The following MAMDC2 variants were observed in gnomAD, a reference collection of about 807,000 sequenced individuals.
MAMDC2 encodes the protein MAM domain containing 2.
A neutral mutation model predicts 89.8 loss-of-function variants in MAMDC2; 57 were observed. That is an observed-to-expected ratio of 0.63 (90% CI 0.51 to 0.79). The LOEUF (loss-of-function observed/expected upper bound fraction) is 0.79. Ranked by LOEUF, MAMDC2 falls within the 30% of genes least tolerant of loss-of-function variation. The probability of loss-of-function intolerance (pLI) is 0.00; values close to 1 mark genes in which losing one functional copy is unlikely to be tolerated. For missense variants in MAMDC2, 800 were observed against 820.6 expected (o/e 0.97, Z 0.31); for synonymous variants, 313 against 293.4 (o/e 1.07, Z -0.68).
chr9:70,211,856 C>T (rs1273095162), intron 11 of MAMDC2, among the ~76,000 whole-genome samples: 1 of 152,196 alleles, frequency 6.6e-6, no homozygotes, highest in Admixed American at 6.5e-5. Context: ...AGTCAGGACC[C>T]TCAACTGCAG....
intron 9 of MAMDC2, among the ~76,000 whole-genome samples, chr9:70,166,005 C>T (rs986477476): frequency 1.3e-5 from 2 of 151,912 alleles, no homozygotes; most frequent in South Asian, 4.1e-4. Flanking sequence ...TTTGGGAGGC[C>T]AAGCGGGTGG....
At chr9:70,213,564 A>G (rs981436376) in intron 11 of MAMDC2, among the ~76,000 whole-genome samples, 2 of 152,086 alleles carry the variant, frequency 1.3e-5, no homozygotes, top group Non-Finnish European at 2.9e-5. Context: ...CTCTCTTTCC[A>G]TGGAATTAAA....
intron 2 of MAMDC2, among the ~76,000 whole-genome samples, chr9:70,087,804 T>A (rs914497058): frequency 6.6e-6 from 1 of 152,188 alleles, no homozygotes; most frequent in African/African-American, 2.4e-5. Flanking sequence ...CAACCCTTAG[T>A]TGGTTTCTGA....
At chr9:70,058,627 G>T (rs768662535) in intron 2 of MAMDC2, among the ~76,000 whole-genome samples, 2 of 151,996 alleles carry the variant, frequency 1.3e-5, no homozygotes, top group African/African-American at 2.4e-5. Flanking sequence ...AGGCAGCAGG[G>T]CTATATTTTG....
At chr9:70,103,646 T>C (rs1197123030) in intron 2 of MAMDC2, among the ~76,000 whole-genome samples, 1 of 151,926 alleles carries the variant, frequency 6.6e-6, no homozygotes, top group South Asian at 2.1e-4. Context: ...TTAAACTTCA[T>C]CAAAATTTAA....
intron 9 of MAMDC2, among the ~76,000 whole-genome samples, chr9:70,144,376 G>T (rs1927116): frequency 0.069 from 10,463 of 152,186 alleles, 571 homozygotes; most frequent in East Asian, 0.22. Context: ...ATCTGATTTT[G>T]ATATAAATGA....
chr9:70,217,508 G>C lies in MAMDC2; in HGVS notation c.1652-829G>C, dbSNP rs552236964. The C allele has an allele frequency of 1.4e-5, 22 of 1,527,600 alleles. 1 individual carries two copies. The highest frequency in any genetic ancestry group is 2.3e-4 in the Middle Eastern group (1 of 4,300). 94.6% of individuals were successfully genotyped at this position (1,527,600 alleles called of 1,614,324 possible). On this transcript the variant is annotated intron_variant, in intron 11 of 13. Coordinates refer to ENST00000377182, the MANE Select transcript of MAMDC2 (RefSeq NM_153267.5). ...AAACCTTAAGTTAGAAAGGCTCAAC[G>C]AGAACAAGCTATCAGGGCTGCTAAG...
At chr9:70,187,853 A>G (rs536522265) in intron 11 of MAMDC2, among the ~76,000 whole-genome samples, 26 of 152,326 alleles carry the variant, frequency 1.7e-4, no homozygotes, top group Middle Eastern at 3.4e-3. Flanking sequence ...TTATTTGTGA[A>G]CAACTTTTTC....
At chr9:70,100,651 G>A (rs1040323641) in intron 2 of MAMDC2, among the ~76,000 whole-genome samples, 2 of 152,136 alleles carry the variant, frequency 1.3e-5, no homozygotes, top group African/African-American at 4.8e-5. Flanking sequence ...ATTAGCCTTG[G>A]GTAAGAACCA....
chr9:70,083,714 T>TA (rs1827706711), intron 2 of MAMDC2: 1 of 146,662 alleles, frequency 6.8e-6, no homozygotes, highest in South Asian at 2.2e-4. Context: ...TTTTTTTTTT[T>TA]AATACCTTTT....
At chr9:70,086,183 A>G (rs1190531489) in intron 2 of MAMDC2, 2 of 152,184 alleles carry the variant, frequency 1.3e-5, no homozygotes, top group Non-Finnish European at 2.9e-5. Context: ...TTAAACTTGC[A>G]TACAGTGTCA....
Position 70,226,012 on chromosome 9 carries a change from T to C in MAMDC2, c.2041T>C (p.Leu681=). ...TQQSSGYSED[L]NEIEY is the part of the protein sequence containing the mutation. ...ACAATCATCAGGATATTCTGAGGACTTAAATGAAATTGAGTATTAAGAAAT... is the reference window on the plus strand; with the variant it reads ...ACAATCATCAGGATATTCTGAGGACCTAAATGAAATTGAGTATTAAGAAAT... The change falls in exon 14 of 14, where the codon TTA becomes CTA. Residue 681 remains leucine (L), a synonymous_variant. Coordinates refer to ENST00000377182, the MANE Select transcript of MAMDC2 (RefSeq NM_153267.5). 1 of 1,580,268 alleles carries C rather than the reference T, an allele frequency of 6.3e-7. No homozygotes were observed. Among genetic ancestry groups the C allele is most frequent in the East Asian group, 2.3e-5 (1 of 44,252 alleles).
At position 70,108,400 on chromosome 9, in the gene MAMDC2, G is replaced by T. The variant is rs531094321; in HGVS notation, c.338G>T (p.Arg113Leu). 1 of 1,614,018 alleles carries T rather than the reference G, an allele frequency of 6.2e-7. No individual in the cohort carries two copies. The highest frequency in any genetic ancestry group is 8.5e-7 in the Non-Finnish European group (1 of 1,179,960). The change falls in exon 3 of 14, where the codon CGC becomes CTC. Residue 113 changes from arginine to leucine, a missense_variant. Physicochemically the swap from Arg to Leu is moderately radical, Grantham distance 102. Coordinates refer to ENST00000377182, the MANE Select transcript of MAMDC2 (RefSeq NM_153267.5). ...YMRFEDESFD[R>L]LLWSAKEPSD... ...AGATTTGAAGATGAAAGCTTTGATC[G>T]CTTGCTTTGGTCAGCTAAGGAACCT...
chr9:70,214,940 G>C (rs2033417584), intron 11 of MAMDC2, among the ~76,000 whole-genome samples: 1 of 152,206 alleles, frequency 6.6e-6, no homozygotes, highest in South Asian at 2.1e-4. Context: ...CTGACAGTAA[G>C]TGGAGATGTC....
At chr9:70,115,506 C>G (rs572894979) in intron 5 of MAMDC2, among the ~76,000 whole-genome samples, 1 of 152,270 alleles carries the variant, frequency 6.6e-6, no homozygotes, top group Admixed American at 6.5e-5. Context: ...CAGACACCCA[C>G]CACTTTGTCC....
chr9:70,060,807 T>A (rs1300936538), intron 2 of MAMDC2, among the ~76,000 whole-genome samples: 2 of 152,158 alleles, frequency 1.3e-5, no homozygotes, highest in Non-Finnish European at 2.9e-5. Context: ...ATTGGTTGAA[T>A]GAATTGTTTA....
chr9:70,063,526 T>G (rs1165239129), intron 2 of MAMDC2, among the ~76,000 whole-genome samples: 1 of 152,098 alleles, frequency 6.6e-6, no homozygotes, highest in Non-Finnish European at 1.5e-5. Context: ...AATAAGTAAA[T>G]AAAAGAAAAA....
intron 11 of MAMDC2, 68 bp downstream of exon 11, chr9:70,170,699 C>T: frequency 6.9e-7 from 1 of 1,448,372 alleles, no homozygotes; most frequent in Non-Finnish European, 9.2e-7. Context: ...GAATCGTTTA[C>T]TGCATTTTGA....
chr9:70,223,066 G>C (rs2033593622), intron 12 of MAMDC2, among the ~76,000 whole-genome samples: 2 of 148,906 alleles, frequency 1.3e-5, no homozygotes, highest in South Asian at 4.3e-4. Flanking sequence ...TTGAGCCCAG[G>C]AGGCAGAGGT....
Sources: gnomAD v4.1 joint callset for allele counts (sites outside exome capture counted in the v4.1 genomes callset) on GRCh38, gnomAD v4.1.1 for gene constraint, MANE v1.5 for transcripts, NCBI Gene and HGNC (gene_info 2026-07-23, HGNC 2026-07-21) for gene names.